GRIN2B: variants seen among roughly 807,000 people sequenced by gnomAD.
GRIN2B encodes glutamate receptor ionotropic, NMDA 2B.
In GRIN2B, 5 loss-of-function variants were observed where a neutral mutation model predicts 114.5. The observed-to-expected ratio is 0.04, with a 90% CI of 0.02 to 0.09. The LOEUF is 0.09. GRIN2B is among the 10% of genes least tolerant of loss of function. The pLI is 1.00. For missense variants in GRIN2B, 1,108 were observed against 1,943.5 expected (o/e 0.57, Z 8.08); for synonymous variants, 787 against 745.1 (o/e 1.06, Z -0.92).
intron 2 of GRIN2B, among the ~76,000 whole-genome samples, chr12:13,946,010 C>T (rs529586990): frequency 2.2e-4 from 33 of 152,170 alleles, no homozygotes; most frequent in Middle Eastern, 6.8e-3. Context: ...TGGGAAATTC[C>T]AGAGTATGAT....
chr12:13,792,752 T>C (rs1289721843), intron 3 of GRIN2B, among the ~76,000 whole-genome samples: 2 of 108,212 alleles, frequency 1.8e-5, no homozygotes. Context: ...CTAACACATA[T>C]AGTGGTCCCC....
At chr12:13,572,714 A>G (rs968799980) in intron 10 of GRIN2B, among the ~76,000 whole-genome samples, 1 of 152,194 alleles carries the variant, frequency 6.6e-6, no homozygotes, top group Non-Finnish European at 1.5e-5. Context: ...TGCTTCCTGA[A>G]CACAAAATTT....
intron 3 of GRIN2B, among the ~76,000 whole-genome samples, chr12:13,819,382 C>G (rs1265543648): frequency 8.1e-6 from 1 of 123,600 alleles, no homozygotes; most frequent in Admixed American, 8.5e-5. Flanking sequence ...AATACCACCT[C>G]CAGCTGAGAA....
intron 3 of GRIN2B, among the ~76,000 whole-genome samples, chr12:13,808,517 C>T (rs1008541204): frequency 1.6e-4 from 24 of 151,472 alleles, no homozygotes; most frequent in Admixed American, 1.3e-3. Context: ...AGGACATGAA[C>T]TTCACTCATA....
intron 2 of GRIN2B, among the ~76,000 whole-genome samples, chr12:13,872,096 T>A (rs1410309563): frequency 6.6e-6 from 1 of 151,992 alleles, no homozygotes; most frequent in Non-Finnish European, 1.5e-5. Flanking sequence ...CTTGCTCATA[T>A]AAGTGGAACA....
At chr12:13,736,407 C>T (rs1863185672) in intron 4 of GRIN2B, among the ~76,000 whole-genome samples, 1 of 152,118 alleles carries the variant, frequency 6.6e-6, no homozygotes, top group Non-Finnish European at 1.5e-5. Context: ...GAAAGGAAAC[C>T]CCTGTCAAGT....
rs1948387545 is a variant in GRIN2B at position 13,549,765 on chromosome 12, A to G, written c.*13018T>C. On this transcript the variant is annotated 3_prime_UTR_variant, in exon 14 of 14. Transcript: ENST00000609686. Reference sequence around the variant, plus strand: ...ATTCAAAAACATTTTTATTTGACCAAGTTTTCTTCACCGTGGAAACCTCTC... The same window carrying G: ...ATTCAAAAACATTTTTATTTGACCAGGTTTTCTTCACCGTGGAAACCTCTC... 6.6e-6 allele frequency: 1 copy of G among 152,176 alleles called. No homozygotes were observed. The highest frequency in any genetic ancestry group is 2.4e-5 in the African/African-American group (1 of 41,442). 9.4% of individuals were successfully genotyped at this position (152,176 alleles called of 1,614,324 possible). A position where few individuals can be genotyped will look rare whatever the true frequency, so the allele number is the denominator to read the frequency against.
At chr12:13,895,418 T>C (rs898603747) in intron 2 of GRIN2B, among the ~76,000 whole-genome samples, 1 of 152,174 alleles carries the variant, frequency 6.6e-6, no homozygotes, top group African/African-American at 2.4e-5. Flanking sequence ...AAAAAGCAGT[T>C]GGAAGTATGT....
chr12:13,826,386 G>A (rs1331438657), intron 3 of GRIN2B, among the ~76,000 whole-genome samples: 1 of 152,000 alleles, frequency 6.6e-6, no homozygotes, highest in Non-Finnish European at 1.5e-5. Context: ...CAGGAGAATC[G>A]CTTGAACCCA....
In GRIN2B at chr12:13,554,260, G is replaced by C. The variant is rs1217255673; in HGVS notation, c.*8523C>G. The C allele has an allele frequency of 6.6e-6, 1 of 152,188 alleles. No individual in the cohort carries two copies. Among genetic ancestry groups the C allele is most frequent in the Non-Finnish European group, 1.5e-5 (1 of 68,036 alleles). 9.4% of individuals were successfully genotyped at this position (152,188 alleles called of 1,614,324 possible). A position where few individuals can be genotyped will look rare whatever the true frequency, so the allele number is the denominator to read the frequency against. ...GTATAACCAAATACCTATGAAATAAGATGGCCCATGATAGCTGCCACTAGG... is the reference window on the plus strand; with the variant it reads ...GTATAACCAAATACCTATGAAATAACATGGCCCATGATAGCTGCCACTAGG... On this transcript the variant is annotated 3_prime_UTR_variant, in exon 14 of 14. Coordinates refer to ENST00000609686, the MANE Select transcript of GRIN2B (RefSeq NM_000834.5).
At chr12:13,916,737 T>TTGTGTGTGTGTGTGTGTGTG (rs57501769) in intron 2 of GRIN2B, among the ~76,000 whole-genome samples, 23 of 139,938 alleles carry the variant, frequency 1.6e-4, no homozygotes, top group East Asian at 9.0e-4. Context: ...ACACACACAT[T>TTGTGTGTGTGTGTGTGTGTG]TGTGTGTGTG....
At chr12:13,783,952 G>A (rs1187301014) in intron 3 of GRIN2B, among the ~76,000 whole-genome samples, 2 of 151,970 alleles carry the variant, frequency 1.3e-5, no homozygotes, top group South Asian at 4.1e-4. Flanking sequence ...GGCCGGGCGC[G>A]GTGGCTCATG....
Position 13,564,007 on chromosome 12 carries a change from G to T in GRIN2B, c.3231C>A (p.Ala1077=), listed in dbSNP as rs1284761685. Residue 1077 remains alanine, a synonymous_variant, in exon 14 of 14, where the codon GCC becomes GCA. Transcript: ENST00000609686. The surrounding 1 kb of genome is among the most constrained non-coding windows in gnomAD (Gnocchi z 4.8). ...TVTYGNIEGN[A]AKRRKQQYKD... ...TATATTGCTGCTTACGCCTCTTGGC[G>T]GCATTGCCCTCGATGTTCCCATAGG... 1 of 1,614,114 alleles carries T rather than the reference G, an allele frequency of 6.2e-7. No homozygotes were observed. Among genetic ancestry groups the T allele is most frequent in the African/African-American group, 1.3e-5 (1 of 74,946 alleles).
intron 10 of GRIN2B, among the ~76,000 whole-genome samples, chr12:13,593,426 C>T (rs537848406): frequency 6.6e-6 from 1 of 152,190 alleles, no homozygotes; most frequent in African/African-American, 2.4e-5. Context: ...ACAAACCTGA[C>T]AAAAATCAAG....
In GRIN2B at chr12:13,808,612, G is replaced by A. The variant is rs982769935; in HGVS notation, c.412-54697C>T. ...CCTGTTGTGGGGTGGGGGAAGGGGG[G>A]AGGGATAGCTTAAGGAGATATACCT... On this transcript the variant is annotated intron_variant, in intron 3 of 13. Coordinates refer to ENST00000609686, the MANE Select transcript of GRIN2B (RefSeq NM_000834.5). Among the ~76,000 whole-genome samples the A allele has an allele frequency of 2.6e-5, 4 of 151,560 alleles. 1 individual carries two copies. The highest frequency in any genetic ancestry group is 4.2e-4 in the South Asian group (2 of 4,764).
At chr12:13,954,822 A>AAC (rs1867558360) in intron 2 of GRIN2B, among the ~76,000 whole-genome samples, 2 of 147,654 alleles carry the variant, frequency 1.4e-5, no homozygotes, top group South Asian at 4.3e-4. Context: ...AAAAAAAAAA[A>AAC]AAAAAAACTT....
intron 5 of GRIN2B, among the ~76,000 whole-genome samples, chr12:13,619,860 T>G (rs1403679724): frequency 6.6e-6 from 1 of 152,160 alleles, no homozygotes; most frequent in Non-Finnish European, 1.5e-5. Flanking sequence ...ACTCCAGAGC[T>G]TGGACTCCTA....
intron 5 of GRIN2B, among the ~76,000 whole-genome samples, chr12:13,656,331 C>A (rs1403686388): frequency 6.6e-6 from 1 of 152,036 alleles, no homozygotes; most frequent in African/African-American, 2.4e-5. Context: ...CAGAATAAAA[C>A]GAACAAACAA....
intron 8 of GRIN2B, among the ~76,000 whole-genome samples, chr12:13,614,524 G>T (rs750408345): frequency 1.1e-4 from 16 of 151,830 alleles, no homozygotes; most frequent in Non-Finnish European, 2.2e-4. Context: ...TCACGTCTGA[G>T]ATTTTTGACA....
Sources: allele counts gnomAD v4.1 joint callset (sites outside exome capture counted in the v4.1 genomes callset), GRCh38; gene constraint gnomAD v4.1.1; non-coding constraint Gnocchi (gnomAD v3.1); transcripts MANE v1.5; gene names NCBI Gene and HGNC (gene_info 2026-07-23, HGNC 2026-07-21).